Variants in FER observed in about 807,000 individuals in gnomAD.
FER encodes the protein FER tyrosine kinase.
FER carries 63 observed loss-of-function variants against 111.0 expected under a neutral mutation model. The observed-to-expected ratio is 0.57, with a 90% CI of 0.46 to 0.70. The LOEUF is 0.70. Among genes scored for constraint, FER ranks in the 30% least tolerant of loss-of-function variants. The pLI, the probability that FER is intolerant of heterozygous loss-of-function variation, is 0.00. For synonymous variants in FER, 327 were observed against 313.9 expected (o/e 1.04, Z -0.44); for missense variants, 914 against 954.0 (o/e 0.96, Z 0.55).
At chr5:108,967,759 C>CAAAAAAAAAAAAAAAAA (rs774855414) in intron 13 of FER, among the ~76,000 whole-genome samples, 38 of 34,448 alleles carry the variant, frequency 1.1e-3, no homozygotes, top group Non-Finnish European at 1.9e-3. Flanking sequence ...GACTCCGTCT[C>CAAAAAAAAAAAAAAAAA]AAAAAAAAAA....
At chr5:109,047,794 T>G (rs1232687668) in intron 16 of FER, among the ~76,000 whole-genome samples, 1 of 151,030 alleles carries the variant, frequency 6.6e-6, no homozygotes, top group African/African-American at 2.4e-5. Flanking sequence ...CACTTTCGAA[T>G]TATGAACTTC....
chr5:108,993,492 C>T (rs977972853), intron 13 of FER, among the ~76,000 whole-genome samples: 1 of 152,040 alleles, frequency 6.6e-6, no homozygotes, highest in Non-Finnish European at 1.5e-5. Context: ...GGCAGCAGTA[C>T]AGTCCAGCTT....
chr5:109,044,628 A>G (rs1165212702), intron 14 of FER, 52 bp from the exon 15 acceptor site: 1 of 896,848 alleles, frequency 1.1e-6, no homozygotes, highest in Admixed American at 2.6e-5. Flanking sequence ...TATTTGGCAA[A>G]GATATACATG....
chr5:109,128,823 A>G (rs1752036422), intron 17 of FER, among the ~76,000 whole-genome samples: 1 of 152,118 alleles, frequency 6.6e-6, no homozygotes, highest in Non-Finnish European at 1.5e-5. Flanking sequence ...ACTTCACAAA[A>G]TGATTCTAAA....
chr5:109,068,118 A>T (rs1455405115), intron 16 of FER, among the ~76,000 whole-genome samples: 2 of 152,014 alleles, frequency 1.3e-5, no homozygotes, highest in Non-Finnish European at 2.9e-5. Flanking sequence ...TCTTTAGAAA[A>T]CTGAGAAAGC....
intron 1 of FER, among the ~76,000 whole-genome samples, chr5:108,750,728 C>T (rs1750390086): frequency 2.0e-5 from 3 of 152,208 alleles, no homozygotes; most frequent in Admixed American, 1.3e-4. Context: ...GGACCGTGAA[C>T]ATTTCAAATT....
At chr5:108,830,955 T>C (rs1041424752) in intron 3 of FER, among the ~76,000 whole-genome samples, 1 of 152,164 alleles carries the variant, frequency 6.6e-6, no homozygotes, top group South Asian at 2.1e-4. Flanking sequence ...ATTCTATAGA[T>C]AGTGGCTTGG....
chr5:108,785,728 G>A (rs1754638417), intron 2 of FER, among the ~76,000 whole-genome samples: 1 of 152,168 alleles, frequency 6.6e-6, no homozygotes, highest in South Asian at 2.1e-4. Context: ...TTGTCAGAGG[G>A]ACATCTATTC....
At chr5:108,958,046 A>G (rs73209368) in intron 12 of FER, among the ~76,000 whole-genome samples, 21,070 of 151,638 alleles carry the variant, frequency 0.14, 1,869 homozygotes, top group African/African-American at 0.25. Flanking sequence ...AACTGATTCA[A>G]ACACTAACTG....
intron 13 of FER, among the ~76,000 whole-genome samples, chr5:108,987,312 G>C (rs1329400555): frequency 6.6e-6 from 1 of 152,074 alleles, no homozygotes; most frequent in African/African-American, 2.4e-5. Flanking sequence ...CGGGCATGGT[G>C]GTGGGCACCT....
At chr5:109,122,383 ATTC>A (rs1405748381) in intron 17 of FER, among the ~76,000 whole-genome samples, 3 of 152,100 alleles carry the variant, frequency 2.0e-5, no homozygotes, top group Admixed American at 2.0e-4. Context: ...AGTTTCCAAA[ATTC>A]TTCTTGTTTT....
intron 17 of FER, among the ~76,000 whole-genome samples, chr5:109,103,091 C>T (rs1748454207): frequency 6.6e-6 from 1 of 151,968 alleles, no homozygotes; most frequent in East Asian, 1.9e-4. Context: ...TAATGTAAAA[C>T]ATGATTGAAA....
chr5:109,081,388 A>T (rs1186570914), intron 16 of FER, among the ~76,000 whole-genome samples: 1 of 152,082 alleles, frequency 6.6e-6, no homozygotes, highest in Non-Finnish European at 1.5e-5. Context: ...TAGATATGAG[A>T]AAATTAAGTG....
intron 5 of FER, among the ~76,000 whole-genome samples, chr5:108,863,137 T>C (rs1256265254): frequency 6.6e-6 from 1 of 152,058 alleles, no homozygotes; most frequent in African/African-American, 2.4e-5. Flanking sequence ...TTTTTGTTTG[T>C]TTGACAGAGT....
intron 1 of FER, among the ~76,000 whole-genome samples, chr5:108,754,430 A>G (rs1314779561): frequency 7.1e-6 from 1 of 141,006 alleles, no homozygotes; most frequent in Non-Finnish European, 1.6e-5. Context: ...AAAAAAAAAA[A>G]TAGTGTGTAA....
At chr5:109,098,342 A>G (rs1244600013) in intron 16 of FER, among the ~76,000 whole-genome samples, 1 of 151,758 alleles carries the variant, frequency 6.6e-6, no homozygotes. Flanking sequence ...CAAGAAGTAA[A>G]TTTTTAAAAG....
At chr5:108,851,312 C>G (rs537764879) in intron 5 of FER, among the ~76,000 whole-genome samples, 27 of 152,164 alleles carry the variant, frequency 1.8e-4, no homozygotes, top group Non-Finnish European at 3.2e-4. Context: ...CAGGGAAACT[C>G]TGCCTTATAA....
intron 11 of FER, 118 bp from the exon 12 acceptor site, chr5:108,954,611 A>G: frequency 2.7e-6 from 2 of 751,688 alleles, no homozygotes; most frequent in Non-Finnish European, 4.1e-6. Flanking sequence ...TATAACTTTT[A>G]ATTGGTCAAT....
intron 3 of FER, among the ~76,000 whole-genome samples, chr5:108,818,607 T>C (rs991257115): frequency 6.6e-6 from 1 of 152,208 alleles, no homozygotes; most frequent in Non-Finnish European, 1.5e-5. Context: ...TTGGGAAATG[T>C]GTGCTGTCTT....
Sources: gnomAD v4.1 joint callset for allele counts (sites outside exome capture counted in the v4.1 genomes callset) on GRCh38, gnomAD v4.1.1 for gene constraint, MANE v1.5 for transcripts, NCBI Gene and HGNC (gene_info 2026-07-23, HGNC 2026-07-21) for gene names.